Variants in STXBP5L observed in about 807,000 individuals in gnomAD.
STXBP5L encodes syntaxin binding protein 5L.
STXBP5L carries 65 observed loss-of-function variants against 144.5 expected under a neutral mutation model. The ratio of observed to expected loss-of-function variants is 0.45; its 90% CI spans 0.37 to 0.55. The LOEUF (loss-of-function observed/expected upper bound fraction) is 0.55. Ranked by LOEUF, STXBP5L falls within the 20% of genes least tolerant of loss-of-function variation. STXBP5L has a pLI of 0.00. For missense variants in STXBP5L, 1,298 were observed against 1,405.5 expected (o/e 0.92, Z 1.22); for synonymous variants, 505 against 469.6 (o/e 1.08, Z -0.97).
At chr3:121,034,502 C>A (rs28427394) in intron 3 of STXBP5L, among the ~76,000 whole-genome samples, 1 of 152,014 alleles carries the variant, frequency 6.6e-6, no homozygotes, top group Non-Finnish European at 1.5e-5. Flanking sequence ...ATATATCTCT[C>A]TATATAGCTG....
At chr3:121,095,182 G>C (rs568480852) in intron 5 of STXBP5L, among the ~76,000 whole-genome samples, 5 of 152,152 alleles carry the variant, frequency 3.3e-5, no homozygotes, top group African/African-American at 9.7e-5. Context: ...GCTTCCCTTT[G>C]TGGGTAACCC....
intron 5 of STXBP5L, among the ~76,000 whole-genome samples, chr3:121,112,550 C>T (rs1223257664): frequency 6.6e-6 from 1 of 151,804 alleles, no homozygotes; most frequent in African/African-American, 2.4e-5. Flanking sequence ...GTTCTTCTCT[C>T]GCCGTTTTCA....
chr3:121,111,412 G>A (rs1328203842), intron 5 of STXBP5L, among the ~76,000 whole-genome samples: 2 of 152,168 alleles, frequency 1.3e-5, no homozygotes, highest in Non-Finnish European at 2.9e-5. Context: ...ACCTTTGGAT[G>A]GGGTTTTTGA....
chr3:120,999,079 G>A (rs528207313), intron 3 of STXBP5L, among the ~76,000 whole-genome samples: 8 of 152,180 alleles, frequency 5.3e-5, no homozygotes, highest in Non-Finnish European at 1.0e-4. Context: ...GAGTGATGGA[G>A]TCTCATTCTC....
chr3:120,920,375 A>G (rs939049776), intron 2 of STXBP5L, among the ~76,000 whole-genome samples: 1 of 151,854 alleles, frequency 6.6e-6, no homozygotes, highest in African/African-American at 2.4e-5. Flanking sequence ...AAATTGATGC[A>G]TAATAGATGC....
intron 3 of STXBP5L, among the ~76,000 whole-genome samples, chr3:121,029,972 A>T (rs918258646): frequency 4.6e-5 from 7 of 152,196 alleles, no homozygotes; most frequent in Admixed American, 6.5e-5. Flanking sequence ...TCAAAACTAC[A>T]ATGAGATACC....
chr3:120,985,956 C>CT (rs1415192130), intron 3 of STXBP5L, among the ~76,000 whole-genome samples: 3 of 151,588 alleles, frequency 2.0e-5, no homozygotes, highest in Non-Finnish European at 3.0e-5. Flanking sequence ...GTTCTGATGG[C>CT]TGTGTGTTTA....
intron 25 of STXBP5L, among the ~76,000 whole-genome samples, chr3:121,416,781 AG>A (rs1360084197): frequency 2.6e-5 from 4 of 152,126 alleles, no homozygotes; most frequent in East Asian, 1.9e-4. Context: ...CTGGAATTAC[AG>A]GCATGAGCCA....
chr3:121,090,756 TG>T (rs2042740308), intron 5 of STXBP5L, among the ~76,000 whole-genome samples: 1 of 151,508 alleles, frequency 6.6e-6, no homozygotes, highest in Admixed American at 6.6e-5. Context: ...GTGCCTCAGA[TG>T]GTATGAATTT....
chr3:121,294,288 CAATGT>C (rs2051561640), intron 19 of STXBP5L, among the ~76,000 whole-genome samples: 1 of 152,148 alleles, frequency 6.6e-6, no homozygotes, highest in Non-Finnish European at 1.5e-5. Flanking sequence ...GATTATCATT[CAATGT>C]GAGAGATAAG....
At chr3:120,975,633 G>A (rs1468245340) in intron 3 of STXBP5L, among the ~76,000 whole-genome samples, 2 of 152,098 alleles carry the variant, frequency 1.3e-5, no homozygotes, top group East Asian at 1.9e-4. Context: ...GTTTTCAAAG[G>A]GAATGCTTCC....
chr3:120,999,025 G>A (rs146620887), intron 3 of STXBP5L, among the ~76,000 whole-genome samples: 36 of 152,106 alleles, frequency 2.4e-4, no homozygotes, highest in Non-Finnish European at 4.6e-4. Flanking sequence ...TGTATGTTTT[G>A]TGAGATCTTC....
chr3:121,211,581 T>TTC (rs1553740393), intron 10 of STXBP5L, among the ~76,000 whole-genome samples: 1 of 140,536 alleles, frequency 7.1e-6, no homozygotes, highest in Non-Finnish European at 1.5e-5. Context: ...TTTCTTTCTT[T>TTC]TTTTTTTTTT....
At chr3:121,354,110 C>G (rs1232064377) in intron 20 of STXBP5L, among the ~76,000 whole-genome samples, 1 of 152,104 alleles carries the variant, frequency 6.6e-6, no homozygotes, top group Non-Finnish European at 1.5e-5. Context: ...ATTATGTGGT[C>G]AATTTTAGAA....
intron 5 of STXBP5L, among the ~76,000 whole-genome samples, chr3:121,103,804 G>A (rs1385316382): frequency 6.6e-6 from 1 of 152,088 alleles, no homozygotes; most frequent in Non-Finnish European, 1.5e-5. Context: ...TAGATGATTA[G>A]GTGATTATTT....
chr3:120,974,038 G>A (rs565644868), intron 3 of STXBP5L, among the ~76,000 whole-genome samples: 5 of 152,116 alleles, frequency 3.3e-5, no homozygotes, highest in Middle Eastern at 3.4e-3. Context: ...ATGATTTATA[G>A]TCCTTTGGGT....
intron 23 of STXBP5L, 152 bp downstream of exon 23, chr3:121,407,755 T>TCCCCA: frequency 8.8e-7 from 1 of 1,133,962 alleles, no homozygotes; most frequent in Non-Finnish European, 1.2e-6. Flanking sequence ...TTCAACGATT[T>TCCCCA]GATGAGAGTT....
chr3:121,356,175 C>T (rs2045506353), intron 20 of STXBP5L, among the ~76,000 whole-genome samples: 2 of 152,256 alleles, frequency 1.3e-5, no homozygotes, highest in Admixed American at 1.3e-4. Context: ...GGCAGCCTGT[C>T]TGTTCTCAGA....
intron 19 of STXBP5L, 22 bp from the exon 20 acceptor site, chr3:121,318,452 AT>A (rs747141460): frequency 7.9e-5 from 120 of 1,526,594 alleles, no homozygotes; most frequent in East Asian, 5.5e-4. Context: ...AATTTATCTC[AT>A]TTTTTTTCAT....
Sources: allele counts gnomAD v4.1 joint callset (sites outside exome capture counted in the v4.1 genomes callset), GRCh38; gene constraint gnomAD v4.1.1; transcripts MANE v1.5; gene names NCBI Gene and HGNC (gene_info 2026-07-23, HGNC 2026-07-21).